Variants in NLN observed in about 807,000 individuals in gnomAD.
NLN encodes the protein neurolysin.
Under a neutral mutation model 79.9 loss-of-function variants are expected in NLN, and 64 were observed. The observed-to-expected ratio is 0.80, with a 90% CI of 0.65 to 0.99. The LOEUF (loss-of-function observed/expected upper bound fraction) is 0.99, where lower values mean the gene tolerates loss of function less well. Among genes scored for constraint, NLN ranks in the 50% least tolerant of loss-of-function variants. The probability of loss-of-function intolerance (pLI) is 0.00; values close to 1 mark genes in which losing one functional copy is unlikely to be tolerated. For synonymous variants in NLN, 267 were observed against 296.6 expected (o/e 0.90, Z 1.02); for missense variants, 835 against 858.7 (o/e 0.97, Z 0.34).
At chr5:65,751,910 C>A (rs1268940142) in intron 1 of NLN, among the ~76,000 whole-genome samples, 1 of 152,062 alleles carries the variant, frequency 6.6e-6, no homozygotes, top group Non-Finnish European at 1.5e-5. Flanking sequence ...CCTGTCAATT[C>A]CCGTATGGTA....
chr5:65,731,262 C>T (rs1056068517), intron 1 of NLN, among the ~76,000 whole-genome samples: 13 of 152,180 alleles, frequency 8.5e-5, no homozygotes, highest in African/African-American at 3.1e-4. Flanking sequence ...AGCTCTGCCA[C>T]ATTCTACTGG....
intron 3 of NLN, among the ~76,000 whole-genome samples, chr5:65,773,238 C>T (rs985178468): frequency 4.8e-5 from 7 of 146,990 alleles, no homozygotes; most frequent in African/African-American, 1.8e-4. Context: ...CCCAAGCAAT[C>T]CTCCCACCTC....
chr5:65,747,944 TA>T (rs1250428671), intron 1 of NLN, among the ~76,000 whole-genome samples: 1 of 152,144 alleles, frequency 6.6e-6, no homozygotes, highest in African/African-American at 2.4e-5. Context: ...CTCACACCTG[TA>T]ATCCTAGCAC....
chr5:65,775,881 CCTAA>C (rs1284954490), intron 3 of NLN, among the ~76,000 whole-genome samples: 7 of 152,190 alleles, frequency 4.6e-5, no homozygotes, highest in African/African-American at 9.7e-5. Context: ...GAAAAAGGAG[CCTAA>C]CTATTTTCTG....
At chr5:65,739,371 A>G (rs920883181) in intron 1 of NLN, among the ~76,000 whole-genome samples, 2 of 152,144 alleles carry the variant, frequency 1.3e-5, no homozygotes, top group African/African-American at 4.8e-5. Flanking sequence ...ATGGCTGAAT[A>G]ATATTTCATT....
intron 1 of NLN, among the ~76,000 whole-genome samples, chr5:65,748,958 C>G (rs917279572): frequency 2.0e-5 from 3 of 152,106 alleles, no homozygotes; most frequent in Admixed American, 6.5e-5. Context: ...GTCATTGAAT[C>G]TGGGGGCAGA....
At chr5:65,815,781 CA>C (rs996827762) in intron 12 of NLN, among the ~76,000 whole-genome samples, 6 of 149,844 alleles carry the variant, frequency 4.0e-5, no homozygotes, top group Admixed American at 1.3e-4. Context: ...GGATGTTCTT[CA>C]AAAAAAAACC....
chr5:65,758,656 G>A lies in NLN; in HGVS notation c.131G>A (p.Gly44Asp). 1 of 1,613,554 alleles carries A rather than the reference G, an allele frequency of 6.2e-7. No homozygotes were observed. The highest frequency in any genetic ancestry group is 8.5e-7 in the Non-Finnish European group (1 of 1,179,612). The change falls in exon 2 of 13, where the codon GGC (glycine) becomes GAC (aspartate). Residue 44 changes from glycine to aspartate, a missense_variant. Physicochemically the swap from Gly to Asp is moderately conservative, Grantham distance 94 (BLOSUM62 -1). Transcript: ENST00000380985. ...LQAMSSYTVA[G>D]RNVLRWDLSP... ...GCAATGTCTTCCTATACTGTGGCTG[G>A]CAGAAATGTTTTAAGATGGGATCTT...
At chr5:65,739,009 TA>T (rs1758811130) in intron 1 of NLN, among the ~76,000 whole-genome samples, 1 of 91,362 alleles carries the variant, frequency 1.1e-5, no homozygotes, top group Admixed American at 9.8e-5. Flanking sequence ...TTATAATATA[TA>T]TTTATATATA....
At chr5:65,738,602 G>T (rs1303980661) in intron 1 of NLN, among the ~76,000 whole-genome samples, 1 of 151,856 alleles carries the variant, frequency 6.6e-6, no homozygotes, top group Non-Finnish European at 1.5e-5. Flanking sequence ...AAAGAAAAAA[G>T]AATACAATAT....
intron 1 of NLN, among the ~76,000 whole-genome samples, chr5:65,725,566 C>T (rs977717784): frequency 2.1e-4 from 32 of 152,180 alleles, no homozygotes; most frequent in Admixed American, 1.8e-3. Flanking sequence ...CAATCACTTT[C>T]CTTAATGTCT....
At chr5:65,755,703 G>A (rs1759202051) in intron 1 of NLN, among the ~76,000 whole-genome samples, 1 of 152,142 alleles carries the variant, frequency 6.6e-6, no homozygotes. Flanking sequence ...CTCAACTGGT[G>A]GAAGAAGAAA....
At chr5:65,803,856 G>A (rs763822295) in intron 9 of NLN, among the ~76,000 whole-genome samples, 11 of 152,164 alleles carry the variant, frequency 7.2e-5, no homozygotes, top group South Asian at 4.1e-4. Context: ...TCCATGGAGC[G>A]CACAGCCCCA....
chr5:65,765,349 C>T (rs139840798), intron 3 of NLN, among the ~76,000 whole-genome samples: 2,164 of 152,134 alleles, frequency 0.014, 36 homozygotes, highest in Admixed American at 0.042. Flanking sequence ...GAAACCCTGT[C>T]TCTACTAAAT....
intron 9 of NLN, among the ~76,000 whole-genome samples, chr5:65,800,758 C>T (rs1471785302): frequency 6.6e-6 from 1 of 151,696 alleles, no homozygotes; most frequent in East Asian, 1.9e-4. Context: ...GATCATGGCT[C>T]ACTGCAGCCT....
At position 65,809,611 on chromosome 5, in the gene NLN, C is replaced by CT; in HGVS notation, c.1625dup (p.Arg543ProfsTer8). On this transcript the variant is annotated frameshift_variant, in exon 10 of 13. Transcript: ENST00000380985. LOFTEE classifies it high-confidence loss of function. Reference sequence around the variant, plus strand: ...AAATTGGGTGTGGGACGTCGATTCCCTCCGAAGATTGTCAAAACATTATAA... The same window carrying CT: ...AAATTGGGTGTGGGACGTCGATTCCCTTCCGAAGATTGTCAAAACATTATAA... The CT allele has an allele frequency of 6.2e-7, 1 of 1,613,890 alleles. No individual in the cohort carries two copies. Among genetic ancestry groups the CT allele is most frequent in the Non-Finnish European group, 8.5e-7 (1 of 1,179,894 alleles).
chr5:65,732,564 A>C (rs2150733831), intron 1 of NLN, among the ~76,000 whole-genome samples: 1 of 141,660 alleles, frequency 7.1e-6, no homozygotes, highest in South Asian at 2.2e-4. Flanking sequence ...AAAGTAGTTG[A>C]CATGAGAAAA....
rs929892121 is a variant in NLN, at chr5:65,827,248, T to A, written c.*4333T>A. On this transcript the variant is annotated 3_prime_UTR_variant, in exon 13 of 13. Coordinates refer to ENST00000380985, the MANE Select transcript of NLN (RefSeq NM_020726.5). ...TTTTGATTTGGTTGAATTCACCTTG[T>A]AGTTCCCTTTCCTGAGAAAATACAG... The A allele has an allele frequency of 6.6e-6, 1 of 152,206 alleles. No individual in the cohort carries two copies. The highest frequency in any genetic ancestry group is 2.4e-5 in the African/African-American group (1 of 41,444). 9.4% of individuals were successfully genotyped at this position (152,206 alleles called of 1,614,324 possible).
intron 1 of NLN, among the ~76,000 whole-genome samples, chr5:65,750,481 G>C (rs933803357): frequency 6.6e-6 from 1 of 152,238 alleles, no homozygotes; most frequent in Non-Finnish European, 1.5e-5. Flanking sequence ...CACTTTGGGA[G>C]GCCAAAGCGG....
Sources: allele counts gnomAD v4.1 joint callset (sites outside exome capture counted in the v4.1 genomes callset), GRCh38; gene constraint gnomAD v4.1.1; transcripts MANE v1.5; gene names NCBI Gene and HGNC (gene_info 2026-07-23, HGNC 2026-07-21).